The following CCNJL variants were observed in gnomAD, a reference collection of about 807,000 sequenced individuals.
The protein encoded by CCNJL is cyclin-J-like protein.
CCNJL carries 33 observed loss-of-function variants against 33.4 expected under a neutral mutation model. That is an observed-to-expected ratio of 0.99 (90% confidence interval 0.75 to 1.32). CCNJL has a LOEUF of 1.32. CCNJL is among the 40% of genes most tolerant of loss of function. The pLI, the probability that CCNJL is intolerant of heterozygous loss-of-function variation, is 0.00. For missense variants in CCNJL, 512 were observed against 499.7 expected (o/e 1.02, Z -0.23); for synonymous variants, 227 against 220.9 (o/e 1.03, Z -0.24).
At chr5:160,259,406 G>C in intron 4 of CCNJL, 63 bp downstream of exon 4, 1 of 1,491,420 alleles carries the variant, frequency 6.7e-7, no homozygotes, top group Admixed American at 1.8e-5. Context: ...AGAGCCGCCT[G>C]ACCCCGACCC....
chr5:160,271,018 C>T (rs891666943), intron 3 of CCNJL, among the ~76,000 whole-genome samples: 1 of 152,198 alleles, frequency 6.6e-6, no homozygotes, highest in African/African-American at 2.4e-5. Flanking sequence ...CTAGACACCA[C>T]AATGCTTGTA....
chr5:160,324,962 G>A (rs184044863), intron 1 of CCNJL, among the ~76,000 whole-genome samples: 37 of 152,308 alleles, frequency 2.4e-4, no homozygotes, highest in Admixed American at 5.2e-4. Flanking sequence ...AAGGGTATAT[G>A]CTTCCAAGGT....
intron 2 of CCNJL, among the ~76,000 whole-genome samples, chr5:160,283,728 T>C (rs1762319054): frequency 6.6e-6 from 1 of 152,188 alleles, no homozygotes; most frequent in Middle Eastern, 3.2e-3. Flanking sequence ...ATTCTTTATA[T>C]ATTTTTTGTA....
At chr5:160,297,971 C>T (rs1376608509) in intron 2 of CCNJL, among the ~76,000 whole-genome samples, 3 of 152,168 alleles carry the variant, frequency 2.0e-5, no homozygotes, top group Non-Finnish European at 4.4e-5. Flanking sequence ...GTCAGCTCTG[C>T]TTGAGGGGAA....
At chr5:160,315,848 T>C (rs185994527), upstream of CCNJL, among the ~76,000 whole-genome samples, 298 of 152,300 alleles carry the variant, frequency 2.0e-3, 1 homozygote, top group African/African-American at 7.0e-3. Flanking sequence ...TTTTGTTTTG[T>C]TTTTCATAGC....
chr5:160,320,338 C>G (rs1763425201), intron 1 of CCNJL, among the ~76,000 whole-genome samples: 1 of 152,124 alleles, frequency 6.6e-6, no homozygotes, highest in South Asian at 2.1e-4. Flanking sequence ...TCAGTTTCTC[C>G]TTCTGTGAAA....
At chr5:160,287,813 T>C (rs1580988959) in intron 2 of CCNJL, among the ~76,000 whole-genome samples, 2 of 151,996 alleles carry the variant, frequency 1.3e-5, no homozygotes, top group African/African-American at 4.8e-5. Context: ...CCAGGCAGGG[T>C]GACCTTCCCC....
At chr5:160,334,789 T>C (rs898203781) in intron 1 of CCNJL, among the ~76,000 whole-genome samples, 1 of 152,226 alleles carries the variant, frequency 6.6e-6, no homozygotes, top group South Asian at 2.1e-4. Flanking sequence ...GGAGGGTTTG[T>C]TAAGAACAGA....
At chr5:160,299,885 GC>G (rs1321306259) in intron 2 of CCNJL, among the ~76,000 whole-genome samples, 1 of 150,576 alleles carries the variant, frequency 6.6e-6, no homozygotes, top group Non-Finnish European at 1.5e-5. Context: ...GCACACCAAC[GC>G]TGTCTACCAC....
chr5:160,334,687 T>G (rs1763660349), intron 1 of CCNJL, among the ~76,000 whole-genome samples: 1 of 152,202 alleles, frequency 6.6e-6, no homozygotes, highest in Non-Finnish European at 1.5e-5. Context: ...CCTCTCGGGA[T>G]CCATGAACTT....
At chr5:160,271,733 G>A (rs1428314988) in intron 3 of CCNJL, among the ~76,000 whole-genome samples, 1 of 152,250 alleles carries the variant, frequency 6.6e-6, no homozygotes, top group Non-Finnish European at 1.5e-5. Flanking sequence ...TGTCATGGCA[G>A]TGTTTTGGAA....
chr5:160,260,418 A>C (rs1032997891), intron 3 of CCNJL, among the ~76,000 whole-genome samples: 2 of 152,162 alleles, frequency 1.3e-5, no homozygotes, highest in African/African-American at 4.8e-5. Flanking sequence ...AAAAGGACAC[A>C]AGCGAGTCAC....
chr5:160,301,261 C>T (rs930106202), intron 2 of CCNJL, among the ~76,000 whole-genome samples: 1 of 152,120 alleles, frequency 6.6e-6, no homozygotes, highest in African/African-American at 2.4e-5. Context: ...AAAAGCATTA[C>T]ATTAAGTAAA....
chr5:160,286,088 A>C (rs10052876), intron 2 of CCNJL, among the ~76,000 whole-genome samples: 24,109 of 152,072 alleles, frequency 0.16, 2,823 homozygotes, highest in African/African-American at 0.33. Context: ...CGGAAATTAG[A>C]CTTAGCCAAG....
intron 2 of CCNJL, among the ~76,000 whole-genome samples, chr5:160,296,406 G>C (rs1039736848): frequency 2.0e-5 from 3 of 152,206 alleles, no homozygotes; most frequent in Non-Finnish European, 2.9e-5. Context: ...GTTCCAACTA[G>C]CAAGAAACTT....
intron 2 of CCNJL, among the ~76,000 whole-genome samples, chr5:160,287,878 G>C (rs1055357190): frequency 1.3e-5 from 2 of 152,190 alleles, no homozygotes; most frequent in African/African-American, 4.8e-5. Flanking sequence ...AGAAAGGCTA[G>C]GGGGAGGCTG....
chr5:160,289,659 G>A (rs1046366761), intron 2 of CCNJL, among the ~76,000 whole-genome samples: 5 of 152,024 alleles, frequency 3.3e-5, no homozygotes, highest in South Asian at 4.1e-4. Flanking sequence ...AAAGTGCCCC[G>A]GAAAAGGCCA....
At position 160,311,902 on chromosome 5, in the gene CCNJL, C is replaced by T; in HGVS notation, c.22G>A (p.Glu8Lys). 1 of 1,614,170 alleles carries T rather than the reference C, an allele frequency of 6.2e-7. No individual in the cohort carries two copies. Among genetic ancestry groups the T allele is most frequent in the Non-Finnish European group, 8.5e-7 (1 of 1,180,002 alleles). Reference protein sequence around the residue: MMDEPWWEGRVASDVHCT... With the variant: MMDEPWWKGRVASDVHCT... ...TGGACGTCCGAGGCGACGCGCCCTT[C>T]CCACCACGGCTCATCCATCATCGCG... The change falls in exon 2 of 6, where the codon GAA becomes AAA. Residue 8 changes from glutamate (E) to lysine (K), a missense_variant. Physicochemically the swap from Glu to Lys is moderately conservative, Grantham distance 56 (BLOSUM62 1). Transcript: ENST00000257536.
At chr5:160,302,990 G>A (rs1055293586) in intron 2 of CCNJL, among the ~76,000 whole-genome samples, 1 of 152,022 alleles carries the variant, frequency 6.6e-6, no homozygotes, top group African/African-American at 2.4e-5. Flanking sequence ...GGAAATTTGG[G>A]GACAACGGTG....
Sources: allele counts gnomAD v4.1 joint callset (sites outside exome capture counted in the v4.1 genomes callset), GRCh38; gene constraint gnomAD v4.1.1; transcripts MANE v1.5; gene names NCBI Gene and HGNC (gene_info 2026-07-23, HGNC 2026-07-21).